Variants in CTNNA2 observed in about 807,000 individuals in gnomAD.
CTNNA2 encodes catenin alpha-2.
Under a neutral mutation model 101.0 loss-of-function variants are expected in CTNNA2, and 42 were observed. The ratio of observed to expected loss-of-function variants is 0.42; its 90% confidence interval spans 0.32 to 0.54. CTNNA2 has a LOEUF of 0.54. Among genes scored for constraint, CTNNA2 ranks in the 20% least tolerant of loss-of-function variants. The pLI is 0.14. For missense variants in CTNNA2, 871 were observed against 1,223.1 expected, an observed-to-expected ratio of 0.71 and a Z score of 4.29; for synonymous variants, 450 against 456.4, an observed-to-expected ratio of 0.99 and a Z score of 0.18.
upstream of CTNNA2, among the ~76,000 whole-genome samples, chr2:79,510,422 A>G (rs1327944075): frequency 6.6e-6 from 1 of 152,236 alleles, no homozygotes; most frequent in Non-Finnish European, 1.5e-5. Context: ...GCATCTAATA[A>G]TAGCCATTAT....
intron 7 of CTNNA2, among the ~76,000 whole-genome samples, chr2:80,392,217 T>C (rs557856807): frequency 1.3e-5 from 2 of 152,298 alleles, no homozygotes; most frequent in Non-Finnish European, 2.9e-5. Flanking sequence ...CATTTTATCA[T>C]ATAAGCAAAT....
At position 79,664,705 on chromosome 2, in the gene CTNNA2, CTTTTTTTT is replaced by C. The variant is rs67782114; in HGVS notation, c.102+13066_102+13073del. Among the ~76,000 whole-genome samples the C allele has an allele frequency of 3.8e-4, 36 of 94,984 alleles. 1 individual carries two copies. The highest frequency in any genetic ancestry group is 1.2e-3 in the East Asian group (4 of 3,204). The allele number at this position is 94,984 out of a possible 152,430, so 62.3% of individuals were successfully genotyped here. On this transcript the variant is annotated intron_variant, in intron 2 of 18. Transcript: ENST00000402739. ...TAAATTCTGGAGAATTCACATTCTT[CTTTTTTTT>C]TTTTTTTTTTTTTTTTTTGAGACGG... is the stretch of plus-strand genomic sequence containing the variant.
intron 7 of CTNNA2, among the ~76,000 whole-genome samples, chr2:80,306,400 T>TTTTCTTTTCTTTTCCTTTCTTTCTTTC (rs1491389570): frequency 9.2e-6 from 1 of 109,200 alleles, no homozygotes; most frequent in African/African-American, 4.1e-5. Context: ...TTTTCTTTTC[T>TTTTCTTTTCTTTTCCTTTCTTTCTTTC]TTTCTTTCTT....
intron 7 of CTNNA2, among the ~76,000 whole-genome samples, chr2:80,075,161 G>A (rs1389154538): frequency 6.6e-6 from 1 of 152,052 alleles, no homozygotes; most frequent in Non-Finnish European, 1.5e-5. Flanking sequence ...CATCAGATAG[G>A]TATTGGAACT....
In CTNNA2 at chr2:79,645,485, A is replaced by G. The variant is rs144102835; in HGVS notation, c.-5-6067A>G. 4.9e-3 allele frequency among the ~76,000 whole-genome samples: 749 copies of G among 152,340 alleles called. 5 individuals are homozygous for G. The highest frequency in any genetic ancestry group is 0.017 in the African/African-American group (700 of 41,578). ...TAAATAGGGGAGAAATTTAAAGAAAATAAATGCAAAAAAGGCAGAGAAAAA... is the reference window on the plus strand; with the variant it reads ...TAAATAGGGGAGAAATTTAAAGAAAGTAAATGCAAAAAAGGCAGAGAAAAA... On this transcript the variant is annotated intron_variant, in intron 1 of 18. Coordinates refer to ENST00000402739, the MANE Select transcript of CTNNA2 (RefSeq NM_001282597.3).
chr2:79,298,536 G>A (rs964441207), intron 2 of CTNNA2, among the ~76,000 whole-genome samples: 16 of 152,094 alleles, frequency 1.1e-4, no homozygotes, highest in Non-Finnish European at 2.9e-5. Flanking sequence ...AACTCTGATG[G>A]TTCCATCTCA....
At chr2:79,666,946 C>A (rs937445257) in intron 2 of CTNNA2, among the ~76,000 whole-genome samples, 3 of 152,026 alleles carry the variant, frequency 2.0e-5, no homozygotes, top group Admixed American at 2.0e-4. Flanking sequence ...GAAGAAAGGG[C>A]CAAGACCTTG....
At chr2:79,355,681 AAT>A (rs1163077984) in intron 3 of CTNNA2, among the ~76,000 whole-genome samples, 1 of 152,172 alleles carries the variant, frequency 6.6e-6, no homozygotes, top group African/African-American at 2.4e-5. Context: ...ATATTAAGTT[AAT>A]GGAGTCATAG....
intron 12 of CTNNA2, among the ~76,000 whole-genome samples, chr2:80,570,086 T>C (rs1388842270): frequency 6.6e-6 from 1 of 152,202 alleles, no homozygotes; most frequent in Non-Finnish European, 1.5e-5. Context: ...TCTCGCTCTG[T>C]TGCCCAGGCT....
At chr2:80,481,645 G>A (rs575892738) in intron 9 of CTNNA2, among the ~76,000 whole-genome samples, 6 of 151,996 alleles carry the variant, frequency 3.9e-5, no homozygotes, top group Admixed American at 1.3e-4. Context: ...AGAGTTTTTC[G>A]TCTTATTCTG....
At chr2:79,306,108 C>A (rs1035412281) in intron 2 of CTNNA2, among the ~76,000 whole-genome samples, 2 of 150,586 alleles carry the variant, frequency 1.3e-5, no homozygotes, top group African/African-American at 2.4e-5. Flanking sequence ...CCATAGGACA[C>A]TATGTTAAGT....
At chr2:79,819,345 G>C in intron 3 of CTNNA2, among the ~76,000 whole-genome samples, 1 of 152,116 alleles carries the variant, frequency 6.6e-6, no homozygotes, top group East Asian at 1.9e-4. Flanking sequence ...GTGTACTGCT[G>C]TTATATGACA....
Position 80,095,346 on chromosome 2 carries a change from A to C in CTNNA2, c.1056+185549A>C, listed in dbSNP as rs529751962. Among the ~76,000 whole-genome samples, 352 of 149,212 alleles carry C rather than the reference A, an allele frequency of 2.4e-3. 4 individuals carry two copies. The highest frequency in any genetic ancestry group is 8.2e-3 in the African/African-American group (334 of 40,676). On this transcript the variant is annotated intron_variant, in intron 7 of 18. Coordinates refer to ENST00000402739, the MANE Select transcript of CTNNA2 (RefSeq NM_001282597.3). ...GTTGAACCAGCCTTGCATCCCAGGG[A>C]TGAAGCCCACTTGATCATGGTGGAT...
At chr2:80,252,054 A>T (rs1029436215) in intron 7 of CTNNA2, among the ~76,000 whole-genome samples, 4 of 152,188 alleles carry the variant, frequency 2.6e-5, no homozygotes, top group East Asian at 3.8e-4. Flanking sequence ...TCTAGAGTCA[A>T]TTCCTCTGGG....
At chr2:79,699,413 G>T (rs1157698323) in intron 2 of CTNNA2, among the ~76,000 whole-genome samples, 2 of 151,766 alleles carry the variant, frequency 1.3e-5, no homozygotes, top group South Asian at 2.1e-4. Flanking sequence ...TGGATATGTT[G>T]GTTCTTAGTA....
intron 8 of CTNNA2, among the ~76,000 whole-genome samples, chr2:80,397,347 A>T (rs1205368048): frequency 6.6e-6 from 1 of 152,172 alleles, no homozygotes; most frequent in East Asian, 1.9e-4. Context: ...AAAGATTGTC[A>T]CCATGCTCAT....
intron 2 of CTNNA2, among the ~76,000 whole-genome samples, chr2:79,233,054 TTAG>T (rs1487355870): frequency 2.0e-5 from 3 of 151,810 alleles, no homozygotes; most frequent in African/African-American, 7.3e-5. Context: ...TCAGTTTCTT[TTAG>T]TTGTTCTCTG....
At chr2:80,507,336 G>C (rs1423992875) in intron 9 of CTNNA2, among the ~76,000 whole-genome samples, 1 of 152,044 alleles carries the variant, frequency 6.6e-6, no homozygotes, top group Non-Finnish European at 1.5e-5. Context: ...CTTTTTTTGA[G>C]AGTAGTATAT....
chr2:80,308,036 G>A (rs183181261), intron 7 of CTNNA2, among the ~76,000 whole-genome samples: 8 of 152,314 alleles, frequency 5.3e-5, no homozygotes, highest in East Asian at 1.9e-4. Flanking sequence ...ATAGCTTGAC[G>A]GAGGGAAGAG....
Sources: gnomAD v4.1 joint callset for allele counts (sites outside exome capture counted in the v4.1 genomes callset) on GRCh38, gnomAD v4.1.1 for gene constraint, MANE v1.5 for transcripts, NCBI Gene and HGNC (gene_info 2026-07-23, HGNC 2026-07-21) for gene names.